The following CDC14B variants were observed in gnomAD, a reference collection of about 807,000 sequenced individuals.
CDC14B encodes dual specificity protein phosphatase CDC14B.
A neutral mutation model predicts 64.2 loss-of-function variants in CDC14B; 22 were observed. The observed-to-expected ratio is 0.34, with a 90% confidence interval of 0.24 to 0.49. CDC14B has a LOEUF of 0.49. Among genes scored for constraint, CDC14B ranks in the 20% least tolerant of loss-of-function variants. CDC14B has a pLI of 0.99. For missense variants in CDC14B, 498 were observed against 629.9 expected, an observed-to-expected ratio of 0.79 and a Z score of 2.24; for synonymous variants, 191 against 215.8, an observed-to-expected ratio of 0.89 and a Z score of 1.01.
chr9:96,508,467 A>C (rs1342590635), intron 13 of CDC14B, among the ~76,000 whole-genome samples: 1 of 152,242 alleles, frequency 6.6e-6, no homozygotes, highest in African/African-American at 2.4e-5. Context: ...CTATTGTTCC[A>C]ATGTACCGAA....
At chr9:96,601,273 C>T (rs1053433787) in intron 1 of CDC14B, among the ~76,000 whole-genome samples, 6 of 151,970 alleles carry the variant, frequency 3.9e-5, no homozygotes, top group Admixed American at 2.0e-4. Flanking sequence ...CCAAGGCAGG[C>T]GGATCATGAG....
chr9:96,595,762 G>A (rs2118706643), intron 1 of CDC14B, among the ~76,000 whole-genome samples: 1 of 152,306 alleles, frequency 6.6e-6, no homozygotes, highest in Non-Finnish European at 1.5e-5. Context: ...TAGGAAATAA[G>A]TAGTGAGAGA....
At chr9:96,602,213 T>C (rs1038724741) in intron 1 of CDC14B, among the ~76,000 whole-genome samples, 5 of 152,126 alleles carry the variant, frequency 3.3e-5, no homozygotes, top group Admixed American at 2.6e-4. Context: ...AAATGTTAAT[T>C]CCAGACCTTC....
At chr9:96,541,555 T>C (rs1840069201) in intron 6 of CDC14B, among the ~76,000 whole-genome samples, 1 of 152,246 alleles carries the variant, frequency 6.6e-6, no homozygotes, top group Non-Finnish European at 1.5e-5. Context: ...AAACCAATTC[T>C]GGATCTAGAA....
chr9:96,496,533 C>T (rs1267558551), downstream of CDC14B, among the ~76,000 whole-genome samples: 1 of 152,380 alleles, frequency 6.6e-6, no homozygotes, highest in South Asian at 2.1e-4. Context: ...CCGTTACCCT[C>T]CAGCCTGGCC....
chr9:96,543,163 T>C (rs1840316548), intron 5 of CDC14B, among the ~76,000 whole-genome samples: 1 of 152,106 alleles, frequency 6.6e-6, no homozygotes, highest in Admixed American at 6.6e-5. Context: ...GGTGAAACCC[T>C]GTCTCTACTA....
intron 1 of CDC14B, among the ~76,000 whole-genome samples, chr9:96,615,469 A>G (rs1011374686): frequency 6.6e-6 from 1 of 152,222 alleles, no homozygotes; most frequent in African/African-American, 2.4e-5. Flanking sequence ...TTACAGATTA[A>G]ATAGGCTGCA....
chr9:96,562,481 C>T (rs1843342099), intron 4 of CDC14B: 2 of 493,454 alleles, frequency 4.1e-6, no homozygotes, highest in Non-Finnish European at 7.3e-6. Context: ...AGGTTCACAG[C>T]AAAATTAAGT....
chr9:96,516,265 C>A (rs16911041), intron 12 of CDC14B, among the ~76,000 whole-genome samples: 14,119 of 152,164 alleles, frequency 0.093, 779 homozygotes, highest in East Asian at 0.26. Flanking sequence ...GAACTGATCT[C>A]ACTTCAAGGG....
At chr9:96,524,636 A>G (rs1374677615) in intron 9 of CDC14B, among the ~76,000 whole-genome samples, 1 of 152,174 alleles carries the variant, frequency 6.6e-6, no homozygotes, top group Non-Finnish European at 1.5e-5. Flanking sequence ...TTCAGTAAGC[A>G]CAGTTCCCTC....
At chr9:96,563,823 G>C (rs186891928) in intron 3 of CDC14B, among the ~76,000 whole-genome samples, 3 of 152,204 alleles carry the variant, frequency 2.0e-5, no homozygotes, top group Non-Finnish European at 4.4e-5. Context: ...TAGCTTCCTA[G>C]TCCTGCATGA....
chr9:96,600,369 T>C (rs556149519), intron 1 of CDC14B, among the ~76,000 whole-genome samples: 83 of 152,142 alleles, frequency 5.5e-4, no homozygotes, highest in African/African-American at 2.0e-3. Flanking sequence ...GAGGGGCTGA[T>C]GAGAGGCTCT....
In CDC14B at chr9:96,502,012, A is replaced by G. The variant is rs949845108; in HGVS notation, c.*1741T>C. On this transcript the variant is annotated 3_prime_UTR_variant, in exon 14 of 14. Transcript: ENST00000375241. Reference sequence around the variant, plus strand: ...AATGCTTTATGCATGGCACAGTTTGAATATTTATATTGTCTCAGCTCAAAA... The same window carrying G: ...AATGCTTTATGCATGGCACAGTTTGGATATTTATATTGTCTCAGCTCAAAA... 3.9e-5 allele frequency: 6 copies of G among 152,192 alleles called. No homozygotes were observed. The highest frequency in any genetic ancestry group is 3.9e-4 in the Admixed American group (6 of 15,282). 9.4% of individuals were successfully genotyped at this position (152,192 alleles called of 1,614,324 possible).
intron 1 of CDC14B, among the ~76,000 whole-genome samples, chr9:96,593,206 T>C (rs924464770): frequency 2.6e-5 from 4 of 152,042 alleles, no homozygotes; most frequent in African/African-American, 7.2e-5. Flanking sequence ...AGCCATACTA[T>C]AGCCAGGTGT....
intron 4 of CDC14B, among the ~76,000 whole-genome samples, chr9:96,555,386 G>A (rs1253292487): frequency 6.6e-6 from 1 of 152,206 alleles, no homozygotes; most frequent in Non-Finnish European, 1.5e-5. Context: ...CCAGGTATGT[G>A]ACTGAGCCCC....
intron 5 of CDC14B, among the ~76,000 whole-genome samples, chr9:96,544,042 C>T (rs1285833691): frequency 6.6e-6 from 1 of 151,944 alleles, no homozygotes; most frequent in African/African-American, 2.4e-5. Flanking sequence ...CATGGTGAAA[C>T]CCTGTCTCTA....
At chr9:96,540,862 T>C (rs1261569778) in intron 6 of CDC14B, among the ~76,000 whole-genome samples, 1 of 152,190 alleles carries the variant, frequency 6.6e-6, no homozygotes, top group Non-Finnish European at 1.5e-5. Context: ...TCATGGCAAC[T>C]ACCCCAATCA....
intron 1 of CDC14B, among the ~76,000 whole-genome samples, chr9:96,603,773 C>T (rs1338073807): frequency 6.6e-6 from 1 of 152,080 alleles, no homozygotes; most frequent in African/African-American, 2.4e-5. Context: ...AATGAAAAGA[C>T]ACTGCGCAAG....
chr9:96,519,474 GC>G (rs2131475838), intron 12 of CDC14B, among the ~76,000 whole-genome samples: 1 of 152,152 alleles, frequency 6.6e-6, no homozygotes, highest in East Asian at 1.9e-4. Flanking sequence ...GGTGGTTCAT[GC>G]CTGTAATCCT....
Sources: gnomAD v4.1 joint callset for allele counts (sites outside exome capture counted in the v4.1 genomes callset) on GRCh38, gnomAD v4.1.1 for gene constraint, MANE v1.5 for transcripts, NCBI Gene and HGNC (gene_info 2026-07-23, HGNC 2026-07-21) for gene names.